Variants in SH2D4B observed in about 807,000 individuals in gnomAD.
The protein encoded by SH2D4B is SH2 domain containing 4B.
A neutral mutation model predicts 61.5 loss-of-function variants in SH2D4B; 45 were observed. That is an observed-to-expected ratio of 0.73 (90% CI 0.58 to 0.94). The LOEUF (loss-of-function observed/expected upper bound fraction) is 0.94, where lower values mean the gene tolerates loss of function less well. Among genes scored for constraint, SH2D4B ranks in the 40% least tolerant of loss-of-function variants. SH2D4B has a pLI of 0.00. For missense variants in SH2D4B, 572 were observed against 574.2 expected, an observed-to-expected ratio of 1.00 and a Z score of 0.04; for synonymous variants, 224 against 220.4, an observed-to-expected ratio of 1.02 and a Z score of -0.14.
chr10:80,645,061 G>A lies in SH2D4B; in HGVS notation c.*976G>A, dbSNP rs1256566965. 1 of 152,216 alleles carries A rather than the reference G, an allele frequency of 6.6e-6. No individual in the cohort carries two copies. The highest frequency in any genetic ancestry group is 1.9e-4 in the East Asian group (1 of 5,198). 9.4% of individuals were successfully genotyped at this position (152,216 alleles called of 1,614,324 possible). ...TTCCACAGTTATGGCCATATACACA[G>A]AGGTAGTATATGATGAAGAGAAGAT... is the stretch of plus-strand genomic sequence containing the variant. On this transcript the variant is annotated 3_prime_UTR_variant, in exon 8 of 8. Coordinates refer to ENST00000646907, the MANE Select transcript of SH2D4B (RefSeq NM_001388272.1).
intron 4 of SH2D4B, 135 bp from the exon 5 acceptor site, chr10:80,603,444 G>A: frequency 1.3e-6 from 1 of 768,702 alleles, no homozygotes; most frequent in South Asian, 1.9e-5. Context: ...TATTAGGTTG[G>A]TGCAAAAGTC....
chr10:80,587,036 A>G lies in SH2D4B; in HGVS notation c.496-1594A>G, dbSNP rs377415784. Among the ~76,000 whole-genome samples the G allele has an allele frequency of 1.4e-4, 21 of 151,502 alleles. No individual in the cohort carries two copies. In the East Asian group the frequency reaches 1.9e-3, roughly 14 times the overall value. On this transcript the variant is annotated intron_variant, in intron 3 of 7. Transcript: ENST00000646907. ...GAACATCAGAAGGAACAAACTCCGG[A>G]TATGCCACATTTAAGAACTGTAACA...
chr10:80,636,361 A>C (rs992014403), intron 7 of SH2D4B, among the ~76,000 whole-genome samples: 2 of 152,208 alleles, frequency 1.3e-5, no homozygotes, highest in African/African-American at 4.8e-5. Flanking sequence ...TAGATCCCTG[A>C]GGAATCGCCA....
At chr10:80,637,346 G>A (rs565134338) in intron 7 of SH2D4B, among the ~76,000 whole-genome samples, 61 of 152,260 alleles carry the variant, frequency 4.0e-4, no homozygotes, top group Non-Finnish European at 6.2e-4. Context: ...TAGTTTGATG[G>A]GGATGGCATT....
chr10:80,547,070 A>G (rs1322138887), intron 1 of SH2D4B, among the ~76,000 whole-genome samples: 1 of 152,222 alleles, frequency 6.6e-6, no homozygotes, highest in African/African-American at 2.4e-5. Flanking sequence ...TGAAATCCCA[A>G]TAACAATAGT....
At chr10:80,632,189 C>T (rs1842840660) in intron 6 of SH2D4B, among the ~76,000 whole-genome samples, 1 of 152,034 alleles carries the variant, frequency 6.6e-6, no homozygotes, top group Non-Finnish European at 1.5e-5. Context: ...CTACTGGGCT[C>T]AGGTGATCCT....
rs542451093 is a variant in SH2D4B at position 80,599,437 on chromosome 10, G to A, written c.644-4142G>A. ...TAATGCTAGCCTGAGCTCCCATGTGGCCGATTAGTGTCCTGCTTAGGGTCC... is the reference window on the plus strand; with the variant it reads ...TAATGCTAGCCTGAGCTCCCATGTGACCGATTAGTGTCCTGCTTAGGGTCC... On this transcript the variant is annotated intron_variant, in intron 4 of 7. Coordinates refer to ENST00000646907, the MANE Select transcript of SH2D4B (RefSeq NM_001388272.1). Among the ~76,000 whole-genome samples the A allele has an allele frequency of 7.2e-5, 11 of 152,284 alleles. No homozygotes were observed. In the East Asian group the frequency reaches 2.1e-3, roughly 29 times the overall value.
At chr10:80,544,286 C>T (rs142114232) in intron 1 of SH2D4B, among the ~76,000 whole-genome samples, 1,786 of 152,298 alleles carry the variant, frequency 0.012, 31 homozygotes, top group African/African-American at 0.039. Context: ...CAGCTTCACT[C>T]CTGAGCCAGC....
intron 6 of SH2D4B, among the ~76,000 whole-genome samples, chr10:80,613,522 C>T (rs930560107): frequency 3.3e-5 from 5 of 152,202 alleles, no homozygotes; most frequent in East Asian, 1.9e-4. Flanking sequence ...TGGGACTACC[C>T]GGTGGGTGAC....
At chr10:80,587,001 G>A (rs1273463301) in intron 3 of SH2D4B, among the ~76,000 whole-genome samples, 3 of 151,900 alleles carry the variant, frequency 2.0e-5, no homozygotes, top group South Asian at 2.1e-4. Context: ...AAGAAACTCC[G>A]AACACATCCG....
intron 1 of SH2D4B, among the ~76,000 whole-genome samples, chr10:80,558,817 C>CTT (rs2132110907): frequency 6.6e-6 from 1 of 152,276 alleles, no homozygotes; most frequent in Non-Finnish European, 1.5e-5. Context: ...AAGTCATGCA[C>CTT]TGAAAGCATA....
At chr10:80,548,164 T>C (rs1228619963) in intron 1 of SH2D4B, among the ~76,000 whole-genome samples, 2 of 152,168 alleles carry the variant, frequency 1.3e-5, no homozygotes, top group Non-Finnish European at 2.9e-5. Context: ...AATAGTGTCA[T>C]AGATCATTTT....
chr10:80,572,536 A>T (rs1025552035), intron 3 of SH2D4B, among the ~76,000 whole-genome samples: 4 of 152,134 alleles, frequency 2.6e-5, no homozygotes, highest in Admixed American at 1.3e-4. Context: ...CATTAAAAAA[A>T]TTTTAAAACT....
chr10:80,636,715 G>T (rs930732357), intron 7 of SH2D4B, among the ~76,000 whole-genome samples: 11 of 152,062 alleles, frequency 7.2e-5, no homozygotes, highest in Admixed American at 5.9e-4. Context: ...TGTCAGATGG[G>T]TAGATTGCAA....
chr10:80,565,155 AC>A (rs1410487032), intron 1 of SH2D4B, among the ~76,000 whole-genome samples: 2 of 152,196 alleles, frequency 1.3e-5, no homozygotes, highest in African/African-American at 2.4e-5. Flanking sequence ...CTCCTAAGTT[AC>A]GGTTTCAGTC....
chr10:80,606,392 G>T (rs1426146527), intron 5 of SH2D4B, among the ~76,000 whole-genome samples: 2 of 151,830 alleles, frequency 1.3e-5, no homozygotes, highest in Admixed American at 1.3e-4. Context: ...CACCCAGGCT[G>T]GAGTGCAGTG....
chr10:80,580,074 G>A (rs1028215714), intron 3 of SH2D4B, among the ~76,000 whole-genome samples: 2 of 152,202 alleles, frequency 1.3e-5, no homozygotes, highest in African/African-American at 4.8e-5. Context: ...TTTTTGGAGT[G>A]CTTCAGCTCA....
intron 7 of SH2D4B, among the ~76,000 whole-genome samples, chr10:80,637,434 T>C (rs998682556): frequency 1.3e-5 from 2 of 152,218 alleles, no homozygotes; most frequent in African/African-American, 4.8e-5. Flanking sequence ...GGAATGTTCT[T>C]CCATTTGTGT....
intron 6 of SH2D4B, among the ~76,000 whole-genome samples, chr10:80,615,619 A>T (rs1289241976): frequency 6.6e-6 from 1 of 152,130 alleles, no homozygotes; most frequent in Non-Finnish European, 1.5e-5. Flanking sequence ...GGTCTTTGGG[A>T]TTACTCCCAG....
Sources: gnomAD v4.1 joint callset for allele counts (sites outside exome capture counted in the v4.1 genomes callset) on GRCh38, gnomAD v4.1.1 for gene constraint, MANE v1.5 for transcripts, NCBI Gene and HGNC (gene_info 2026-07-23, HGNC 2026-07-21) for gene names.